Variants in RAPGEF5 observed in about 807,000 individuals in gnomAD.
RAPGEF5 encodes M-Ras-regulated GEF.
A neutral mutation model predicts 125.2 loss-of-function variants in RAPGEF5; 65 were observed. The ratio of observed to expected loss-of-function variants is 0.52; its 90% CI spans 0.43 to 0.64. RAPGEF5 has a LOEUF of 0.64. RAPGEF5 is among the 30% of genes least tolerant of loss of function. The pLI is 0.00. For synonymous variants in RAPGEF5, 391 were observed against 385.9 expected, an observed-to-expected ratio of 1.01 and a Z score of -0.16; for missense variants, 958 against 1,048.1, an observed-to-expected ratio of 0.91 and a Z score of 1.19.
At position 22,146,896 on chromosome 7, in the gene RAPGEF5, C is replaced by A; in HGVS notation, c.2007+1G>T. ...ATTTTATCTTGTCACTCCTCATTTA[C>A]CTCGTGAATTGAATTGAATAGACTC... is the stretch of plus-strand genomic sequence containing the variant. On this transcript the variant is annotated splice_donor_variant, in intron 19 of 25. Transcript: ENST00000665637. LOFTEE classifies it high-confidence loss of function. The A allele has an allele frequency of 6.2e-7, 1 of 1,609,100 alleles. No individual in the cohort carries two copies.
chr7:22,137,721 A>G (rs923921916), intron 21 of RAPGEF5, among the ~76,000 whole-genome samples: 2 of 152,198 alleles, frequency 1.3e-5, no homozygotes, highest in African/African-American at 4.8e-5. Context: ...TTGGTGTGTC[A>G]GCAAGCTCTC....
intron 7 of RAPGEF5, among the ~76,000 whole-genome samples, chr7:22,252,370 G>C (rs1414220006): frequency 6.6e-6 from 1 of 152,184 alleles, no homozygotes; most frequent in Non-Finnish European, 1.5e-5. Context: ...TCTACTAAGT[G>C]TTACACAGCT....
chr7:22,226,076 T>G (rs1476690), intron 8 of RAPGEF5, among the ~76,000 whole-genome samples: 1 of 151,966 alleles, frequency 6.6e-6, no homozygotes, highest in African/African-American at 2.4e-5. Flanking sequence ...TATTAAAACA[T>G]TCTCTGCATT....
At chr7:22,145,960 TTG>T (rs1348251088) in intron 19 of RAPGEF5, among the ~76,000 whole-genome samples, 1 of 148,230 alleles carries the variant, frequency 6.7e-6, no homozygotes. Context: ...TTAAATGTGT[TTG>T]TGTGCGTGTG....
chr7:22,160,585 A>T lies in RAPGEF5; in HGVS notation c.1459T>A (p.Tyr487Asn), dbSNP rs1426285056. 5.2e-6 allele frequency: 8 copies of T among 1,547,806 alleles called. No homozygotes were observed. The highest frequency in any genetic ancestry group is 7.0e-6 in the Non-Finnish European group (8 of 1,146,754). Residue 487 changes from tyrosine to asparagine, a missense_variant, in exon 14 of 26, where the codon TAT becomes AAT. Transcript: ENST00000665637. Reference protein sequence around the residue: ...TIYRNVLDDVYEYPILEKELK... With the variant: ...TIYRNVLDDVNEYPILEKELK... ...TCTTTTTCAAGTATTGGATATTCAT[A>T]AACATCATCCAGTACATTCCTATAT... is the stretch of plus-strand genomic sequence containing the variant.
chr7:22,356,947 G>A lies in RAPGEF5; in HGVS notation c.114C>T (p.Ala38=). ...GCGGCTGCTCGCGCTCGGGCTCCCG[G>A]GCGCTGGGGCTGCGGCGCAGGGGGC... ...ADGPLRRSPS[A]REPEREQPPA... Residue 38 remains alanine, a synonymous_variant, in exon 1 of 26, where the codon GCC becomes GCT. Transcript: ENST00000665637. 1 of 1,050,686 alleles carries A rather than the reference G, an allele frequency of 9.5e-7. No homozygotes were observed. The allele number at this position is 1,050,686 out of a possible 1,614,324, so 65.1% of individuals were successfully genotyped here.
Position 22,144,516 on chromosome 7 carries a change from T to C in RAPGEF5, c.2186+528A>G, listed in dbSNP as rs146309768. 2.9e-3 allele frequency among the ~76,000 whole-genome samples: 448 copies of C among 152,252 alleles called. 1 individual carries two copies. Among genetic ancestry groups the C allele is most frequent in the African/African-American group, 9.3e-3 (387 of 41,550 alleles). ...CCAACAAGTGTTCAGGGTTGGAAGA[T>C]GGTGCTCATGGGAGGGACAGACATT... On this transcript the variant is annotated intron_variant, in intron 20 of 25. Transcript: ENST00000665637.
intron 17 of RAPGEF5, among the ~76,000 whole-genome samples, chr7:22,153,372 C>G (rs1239318613): frequency 3.9e-5 from 6 of 152,156 alleles, no homozygotes; most frequent in African/African-American, 1.4e-4. Flanking sequence ...TCGAACCACT[C>G]TCTGATTAAA....
chr7:22,328,587 C>T (rs1209990486), intron 1 of RAPGEF5, among the ~76,000 whole-genome samples: 1 of 152,218 alleles, frequency 6.6e-6, no homozygotes, highest in African/African-American at 2.4e-5. Context: ...TACCTACATA[C>T]ATACCTACAT....
intron 8 of RAPGEF5, among the ~76,000 whole-genome samples, chr7:22,221,682 C>T (rs1048659260): frequency 8.5e-5 from 13 of 152,146 alleles, no homozygotes; most frequent in Admixed American, 5.2e-4. Context: ...TCTTGCCTGC[C>T]GCCATGTAAG....
intron 1 of RAPGEF5, among the ~76,000 whole-genome samples, chr7:22,331,170 T>C (rs1001709089): frequency 6.6e-6 from 1 of 152,220 alleles, no homozygotes; most frequent in African/African-American, 2.4e-5. Context: ...TAAAGAACCC[T>C]GAAATACAGA....
intron 14 of RAPGEF5, among the ~76,000 whole-genome samples, 194 bp from the exon 15 acceptor site, chr7:22,158,079 AAAGAAGTT>A (rs1783870053): frequency 6.6e-6 from 1 of 152,254 alleles, no homozygotes; most frequent in Non-Finnish European, 1.5e-5. Flanking sequence ...GCCAGGAAGT[AAAGAAGTT>A]ATGGATTCAA....
intron 5 of RAPGEF5, among the ~76,000 whole-genome samples, chr7:22,301,359 T>C (rs900548107): frequency 6.6e-6 from 1 of 152,190 alleles, no homozygotes; most frequent in East Asian, 1.9e-4. Flanking sequence ...CTCACGCCTG[T>C]AATCTCCGAA....
At position 22,343,966 on chromosome 7, in the gene RAPGEF5, C is replaced by T. The variant is rs950235441; in HGVS notation, c.231+12864G>A. ...AATTGCAGAGAAGGAATGCCAATTC[C>T]TCATATAACAGCTTCTCCGATTCCA... On this transcript the variant is annotated intron_variant, in intron 1 of 25. Transcript: ENST00000665637. 2.6e-5 allele frequency among the ~76,000 whole-genome samples: 4 copies of T among 152,088 alleles called. No homozygotes were observed. The East Asian group carries it at 7.7e-4, about 29-fold the overall frequency.
chr7:22,240,688 T>G lies in RAPGEF5; in HGVS notation c.797-9769A>C, dbSNP rs546092518. On this transcript the variant is annotated intron_variant, in intron 7 of 25. Coordinates refer to ENST00000665637, the MANE Select transcript of RAPGEF5 (RefSeq NM_012294.5). The stretch of plus-strand genomic sequence containing the variant: ...ATGACTAGCCAGCTTTACTTTTTTT[T>G]TGTGCCTTTCAATGTTGTGTTCTAG... Among the ~76,000 whole-genome samples, 44 of 152,256 alleles carry G rather than the reference T, an allele frequency of 2.9e-4. 1 individual carries two copies. The highest frequency in any genetic ancestry group is 6.5e-4 in the Admixed American group (10 of 15,278).
At chr7:22,338,459 A>T (rs917687616) in intron 1 of RAPGEF5, among the ~76,000 whole-genome samples, 3 of 152,228 alleles carry the variant, frequency 2.0e-5, no homozygotes, top group African/African-American at 7.2e-5. Flanking sequence ...AATTTTATAA[A>T]ACTAAACCAT....
chr7:22,240,812 A>G (rs1476004911), intron 7 of RAPGEF5, among the ~76,000 whole-genome samples: 1 of 152,184 alleles, frequency 6.6e-6, no homozygotes, highest in African/African-American at 2.4e-5. Context: ...ACTTAAAAAG[A>G]TCCTAGTGTA....
intron 9 of RAPGEF5, among the ~76,000 whole-genome samples, chr7:22,213,141 C>T (rs769849963): frequency 5.9e-5 from 9 of 152,184 alleles, no homozygotes; most frequent in East Asian, 1.9e-4. Flanking sequence ...TCTTCAAAAC[C>T]GCTCAAACTA....
chr7:22,159,314 A>G (rs1783909654), intron 14 of RAPGEF5, among the ~76,000 whole-genome samples: 1 of 152,202 alleles, frequency 6.6e-6, no homozygotes, highest in African/African-American at 2.4e-5. Context: ...AAATCTCTCA[A>G]TGTAAGATTT....
Sources: gnomAD v4.1 joint callset for allele counts (sites outside exome capture counted in the v4.1 genomes callset) on GRCh38, gnomAD v4.1.1 for gene constraint, MANE v1.5 for transcripts, NCBI Gene and HGNC (gene_info 2026-07-23, HGNC 2026-07-21) for gene names.